The following MRTFB variants were observed in gnomAD, a reference collection of about 807,000 sequenced individuals.
MRTFB encodes myocardin-related transcription factor B.
In MRTFB, 29 loss-of-function variants were observed where a neutral mutation model predicts 104.2. The ratio of observed to expected loss-of-function variants is 0.28; its 90% CI spans 0.21 to 0.38. The LOEUF (loss-of-function observed/expected upper bound fraction) is 0.38, where lower values mean the gene tolerates loss of function less well. MRTFB is among the 10% of genes least tolerant of loss of function. The probability of loss-of-function intolerance (pLI) is 1.00; values close to 1 mark genes in which losing one functional copy is unlikely to be tolerated. For synonymous variants in MRTFB, 535 were observed against 519.5 expected (o/e 1.03, Z -0.41); for missense variants, 1,270 against 1,341.6 (o/e 0.95, Z 0.83).
At chr16:14,259,232 C>G (rs1289825144) in intron 16 of MRTFB, among the ~76,000 whole-genome samples, 4 of 152,058 alleles carry the variant, frequency 2.6e-5, no homozygotes, top group African/African-American at 7.2e-5. Flanking sequence ...GTCAGGAGTT[C>G]AAGACCAGCC....
chr16:14,181,577 A>G (rs2039772495), intron 3 of MRTFB, among the ~76,000 whole-genome samples: 1 of 152,204 alleles, frequency 6.6e-6, no homozygotes, highest in African/African-American at 2.4e-5. Context: ...CAAGAATGCT[A>G]CCAGAAAAGT....
chr16:14,128,569 ACAGG>A (rs2037276311), intron 2 of MRTFB, among the ~76,000 whole-genome samples: 1 of 152,232 alleles, frequency 6.6e-6, no homozygotes, highest in African/African-American at 2.4e-5. Context: ...AGCAAGCGGG[ACAGG>A]CAGACCTGAC....
chr16:14,010,046 A>G, the MRTFB span, among the ~76,000 whole-genome samples: 1 of 152,248 alleles, frequency 6.6e-6, no homozygotes, highest in African/African-American at 2.4e-5. Context: ...GGGAGTTCCA[A>G]AGAAGAATCC....
intron 16 of MRTFB, among the ~76,000 whole-genome samples, chr16:14,259,649 T>C (rs148477926): frequency 2.4e-4 from 37 of 152,110 alleles, no homozygotes; most frequent in African/African-American, 8.9e-4. Context: ...CCCAGGAGGC[T>C]GAGAGGCAGG....
At chr16:14,124,893 T>C (rs1051542464) in intron 2 of MRTFB, among the ~76,000 whole-genome samples, 4 of 152,232 alleles carry the variant, frequency 2.6e-5, no homozygotes, top group Non-Finnish European at 2.9e-5. Context: ...CAGTTTTTTT[T>C]CCTATAAAAT....
intron 3 of MRTFB, among the ~76,000 whole-genome samples, chr16:14,206,115 G>A (rs1253793161): frequency 2.0e-5 from 3 of 152,170 alleles, no homozygotes; most frequent in Non-Finnish European, 4.4e-5. Flanking sequence ...GAAAAGGGAG[G>A]AAGGAGGTCT....
chr16:14,152,426 A>G (rs2038660252), intron 3 of MRTFB: 1 of 152,112 alleles, frequency 6.6e-6, no homozygotes, highest in African/African-American at 2.4e-5. Context: ...TCTTCTATGA[A>G]ATCTTGGTGT....
At chr16:14,169,842 T>C (rs1567410071) in intron 3 of MRTFB, among the ~76,000 whole-genome samples, 1 of 152,134 alleles carries the variant, frequency 6.6e-6, no homozygotes, top group South Asian at 2.1e-4. Context: ...CTGGGAAATA[T>C]AGCGAGACTC....
chr16:14,241,719 C>CA (rs2042774275), intron 10 of MRTFB, among the ~76,000 whole-genome samples: 1 of 152,110 alleles, frequency 6.6e-6, no homozygotes, highest in Non-Finnish European at 1.5e-5. Flanking sequence ...ATTAGTAATT[C>CA]AGACCTGATT....
At chr16:14,257,350 C>G (rs556469356) in intron 15 of MRTFB, among the ~76,000 whole-genome samples, 1 of 152,242 alleles carries the variant, frequency 6.6e-6, no homozygotes, top group Non-Finnish European at 1.5e-5. Flanking sequence ...TGTCCATCCA[C>G]AAGTCAATGA....
chr16:14,211,743 A>G (rs2041197522), intron 4 of MRTFB, among the ~76,000 whole-genome samples: 2 of 152,170 alleles, frequency 1.3e-5, no homozygotes, highest in South Asian at 4.1e-4. Flanking sequence ...GTATGGTAGA[A>G]AGAGCATGAA....
chr16:14,164,952 TA>T (rs879278829), intron 3 of MRTFB, among the ~76,000 whole-genome samples: 319 of 143,104 alleles, frequency 2.2e-3, no homozygotes, highest in East Asian at 0.011. Context: ...AAGACAAAAT[TA>T]AAAAAAAAAA....
Position 14,193,984 on chromosome 16 carries a change from T to G in MRTFB, c.155-16259T>G, listed in dbSNP as rs1162029465. ...GCATTTTGACTTACAGTTTTCGACT[T>G]AAACCCATCCTAAGTGAAGGAGCAT... is the stretch of plus-strand genomic sequence containing the variant. On this transcript the variant is annotated intron_variant, in intron 3 of 16. Transcript: ENST00000571589. Among the ~76,000 whole-genome samples, 3 of 152,174 alleles carry G rather than the reference T, an allele frequency of 2.0e-5. No homozygotes were observed. The East Asian group carries it at 5.8e-4, about 29-fold the overall frequency.
the MRTFB span, among the ~76,000 whole-genome samples, chr16:14,010,222 C>A: frequency 6.6e-6 from 1 of 152,196 alleles, no homozygotes; most frequent in African/African-American, 2.4e-5. Context: ...TAGCCCCCAA[C>A]AAGGTCCAGG....
At chr16:14,169,501 C>A (rs1482436985) in intron 3 of MRTFB, among the ~76,000 whole-genome samples, 1 of 151,952 alleles carries the variant, frequency 6.6e-6, no homozygotes, top group East Asian at 1.9e-4. Context: ...TTTTTATATA[C>A]CCTTGATTCT....
At chr16:14,102,563 G>GAGTAAATTCAACTCACCCACCATGT (rs1479209014) in intron 2 of MRTFB, among the ~76,000 whole-genome samples, 4 of 152,156 alleles carry the variant, frequency 2.6e-5, no homozygotes, top group African/African-American at 7.2e-5. Flanking sequence ...GTGTTTTCTA[G>GAGTAAATTCAACTCACCCACCATGT]AGTAAATTCA....
At chr16:14,240,748 CTAT>C in intron 10 of MRTFB, 2 of 777,856 alleles carry the variant, frequency 2.6e-6, no homozygotes, top group Non-Finnish European at 4.7e-6. Flanking sequence ...CCAGATTTGC[CTAT>C]TATTAGAACA....
intron 3 of MRTFB, among the ~76,000 whole-genome samples, chr16:14,179,447 A>AT (rs200491798): frequency 3.3e-5 from 5 of 151,828 alleles, no homozygotes; most frequent in East Asian, 1.9e-4. Flanking sequence ...GATCAAGGAG[A>AT]TTTTTTTTTC....
chr16:14,169,388 G>A (rs115947273), intron 3 of MRTFB, among the ~76,000 whole-genome samples: 2,308 of 152,164 alleles, frequency 0.015, 68 homozygotes, highest in African/African-American at 0.053. Context: ...ACTCAGGTCC[G>A]ATTCTGAATA....
Sources: allele counts gnomAD v4.1 joint callset (sites outside exome capture counted in the v4.1 genomes callset), GRCh38; gene constraint gnomAD v4.1.1; transcripts MANE v1.5; gene names NCBI Gene and HGNC (gene_info 2026-07-23, HGNC 2026-07-21).